The following PARP15 variants were observed in gnomAD, a reference collection of about 807,000 sequenced individuals.
PARP15 encodes the protein poly(ADP-ribose) polymerase family member 15, also known as protein mono-ADP-ribosyltransferase PARP15.
A neutral mutation model predicts 62.1 loss-of-function variants in PARP15; 50 were observed. The ratio of observed to expected loss-of-function variants is 0.81; its 90% CI spans 0.64 to 1.02. The LOEUF is 1.02. Ranked by LOEUF, PARP15 falls within the 50% of genes least tolerant of loss-of-function variation. The probability of loss-of-function intolerance (pLI) is 0.00; values close to 1 mark genes in which losing one functional copy is unlikely to be tolerated. For synonymous variants in PARP15, 309 were observed against 293.1 expected (o/e 1.05, Z -0.55); for missense variants, 820 against 826.5 (o/e 0.99, Z 0.10).
chr3:122,597,161 A>C (rs957546635), intron 1 of PARP15, among the ~76,000 whole-genome samples: 17 of 152,200 alleles, frequency 1.1e-4, no homozygotes, highest in African/African-American at 3.6e-4. Flanking sequence ...CTGTGTCCTC[A>C]CGTGGCAGAG....
chr3:122,614,548 C>T (rs1235450010), intron 4 of PARP15, among the ~76,000 whole-genome samples: 3 of 152,022 alleles, frequency 2.0e-5, no homozygotes, highest in Non-Finnish European at 2.9e-5. Context: ...TTTTTTCCCC[C>T]GGTAAATATA....
chr3:122,609,212 C>G (rs970949404), intron 2 of PARP15, among the ~76,000 whole-genome samples: 3 of 152,174 alleles, frequency 2.0e-5, no homozygotes, highest in Non-Finnish European at 2.9e-5. Flanking sequence ...ACTCTTGTCT[C>G]TGCAAGGGGC....
In PARP15 at chr3:122,638,217, G is replaced by A. The variant is rs1435213910; in HGVS notation, c.*2117G>A. ...TCTATCATTGTTGGACATTTGGGTT[G>A]GTTCCAAGTCTTTGCTATTGTGAAT... On this transcript the variant is annotated 3_prime_UTR_variant, in exon 12 of 12. Transcript: ENST00000464300. 1 of 151,220 alleles carries A rather than the reference G, an allele frequency of 6.6e-6. No homozygotes were observed. Among genetic ancestry groups the A allele is most frequent in the Admixed American group, 6.6e-5 (1 of 15,140 alleles). The allele number at this position is 151,220 out of a possible 1,614,324, so 9.4% of individuals were successfully genotyped here. A position where few individuals can be genotyped will look rare whatever the true frequency, so the allele number is the denominator to read the frequency against.
intron 1 of PARP15, among the ~76,000 whole-genome samples, chr3:122,598,153 G>A (rs1469183439): frequency 6.6e-6 from 1 of 152,170 alleles, no homozygotes; most frequent in Non-Finnish European, 1.5e-5. Context: ...ATTAGGGGAT[G>A]GGAGTTTCAG....
chr3:122,602,154 A>G (rs2107512684), intron 1 of PARP15, among the ~76,000 whole-genome samples: 1 of 152,138 alleles, frequency 6.6e-6, no homozygotes, highest in South Asian at 2.1e-4. Context: ...TTTACTTATC[A>G]GGTGCATTCA....
At chr3:122,614,562 T>C (rs2107546967) in intron 4 of PARP15, among the ~76,000 whole-genome samples, 1 of 152,292 alleles carries the variant, frequency 6.6e-6, no homozygotes, top group Non-Finnish European at 1.5e-5. Flanking sequence ...AAATATAAAA[T>C]ATCCAGAGAC....
At chr3:122,613,580 A>AAAGGGCAG (rs1935727681) in intron 4 of PARP15, among the ~76,000 whole-genome samples, 1 of 152,180 alleles carries the variant, frequency 6.6e-6, no homozygotes, top group Non-Finnish European at 1.5e-5. Context: ...ATCTATGGGG[A>AAAGGGCAG]AAGGGCAGAA....
intron 2 of PARP15, among the ~76,000 whole-genome samples, chr3:122,608,789 A>C (rs1935358893): frequency 7.1e-6 from 1 of 141,468 alleles, no homozygotes; most frequent in Non-Finnish European, 1.5e-5. Flanking sequence ...TTTTTTTGAG[A>C]TAGCGTCTTG....
chr3:122,613,844 CAG>C (rs1291372167), intron 4 of PARP15, among the ~76,000 whole-genome samples: 2 of 104,148 alleles, frequency 1.9e-5, no homozygotes, highest in Non-Finnish European at 3.5e-5. Flanking sequence ...TTTTTTGAGA[CAG>C]AGTCTCGTTC....
Position 122,635,906 on chromosome 3 carries a change from ATGTACG to A in PARP15, c.1845_1850del (p.Met615_Val617delinsIle). 6.2e-7 allele frequency: 1 copy of A among 1,614,168 alleles called. No individual in the cohort carries two copies. The highest frequency in any genetic ancestry group is 2.2e-5 in the East Asian group (1 of 44,884). On this transcript the variant is annotated inframe_deletion, in exon 12 of 12. Transcript: ENST00000464300. Reference sequence around the variant, plus strand: ...GCCAGACAGCAATGGGAGAAAGCACATGTACGTTGTGCGAGTACTTACTGGAGTCTT... The same window carrying A: ...GCCAGACAGCAATGGGAGAAAGCACATTGTGCGAGTACTTACTGGAGTCTT...
At chr3:122,594,884 A>C (rs1934213331) in intron 1 of PARP15, 2 of 977,096 alleles carry the variant, frequency 2.0e-6, no homozygotes, top group African/African-American at 3.5e-5. Context: ...ATTACATAAC[A>C]ATTTTCTTCA....
chr3:122,628,293 C>T (rs1336642207), intron 9 of PARP15, among the ~76,000 whole-genome samples: 1 of 152,190 alleles, frequency 6.6e-6, no homozygotes, highest in Non-Finnish European at 1.5e-5. Context: ...ACCGGAATTA[C>T]ACTGGCCAAG....
intron 1 of PARP15, among the ~76,000 whole-genome samples, chr3:122,595,289 A>T (rs559798229): frequency 1.5e-5 from 2 of 133,868 alleles, no homozygotes; most frequent in Non-Finnish European, 3.2e-5. Flanking sequence ...TGTCTACCTC[A>T]CCCCCATTTC....
In PARP15 at chr3:122,623,721, G is replaced by A. The variant is rs1003917788; in HGVS notation, c.1231+2110G>A. Among the ~76,000 whole-genome samples the A allele has an allele frequency of 4.6e-5, 7 of 152,172 alleles. No homozygotes were observed. In the East Asian group the frequency reaches 7.7e-4, roughly 17 times the overall value. ...CAGATCTTTATGTCTTCTCTGCCCC[G>A]TGTTGAGTGAAGAATCATTGCCCAT... On this transcript the variant is annotated intron_variant, in intron 8 of 11. Coordinates refer to ENST00000464300, the MANE Select transcript of PARP15 (RefSeq NM_001113523.3).
At chr3:122,586,704 A>G (rs574479034) in intron 1 of PARP15, among the ~76,000 whole-genome samples, 1 of 152,134 alleles carries the variant, frequency 6.6e-6, no homozygotes, top group South Asian at 2.1e-4. Flanking sequence ...GAGTTCCTAT[A>G]TACCCCTCAC....
At chr3:122,585,700 G>C (rs1210718812) in intron 1 of PARP15, among the ~76,000 whole-genome samples, 1 of 152,108 alleles carries the variant, frequency 6.6e-6, no homozygotes, top group African/African-American at 2.4e-5. Context: ...TTACATTTTT[G>C]CATACTGAAC....
chr3:122,603,384 T>G (rs1225821093), intron 1 of PARP15, among the ~76,000 whole-genome samples: 2 of 151,996 alleles, frequency 1.3e-5, no homozygotes, highest in Non-Finnish European at 2.9e-5. Context: ...CATCAAGACC[T>G]GTAGAGAACA....
chr3:122,630,214 A>T (rs1936985974), intron 9 of PARP15, among the ~76,000 whole-genome samples: 1 of 152,152 alleles, frequency 6.6e-6, no homozygotes, highest in Non-Finnish European at 1.5e-5. Context: ...CTTCCATGTG[A>T]TGCTGGGTGA....
intron 1 of PARP15, among the ~76,000 whole-genome samples, chr3:122,603,872 A>G (rs1303079066): frequency 6.6e-6 from 1 of 152,214 alleles, no homozygotes; most frequent in Non-Finnish European, 1.5e-5. Flanking sequence ...AAACAGAAAA[A>G]AATTGATATC....
Sources: gnomAD v4.1 joint callset for allele counts (sites outside exome capture counted in the v4.1 genomes callset) on GRCh38, gnomAD v4.1.1 for gene constraint, MANE v1.5 for transcripts, NCBI Gene and HGNC (gene_info 2026-07-23, HGNC 2026-07-21) for gene names.